NR2F1-AS1: variants seen among roughly 807,000 people sequenced by gnomAD.
NR2F1-AS1 encodes NR2F1 regulatory antisense RNA 1, also known as NR2F1 antisense RNA 1.
At chr5:93,543,508 A>G (rs968354906) in intron 4 of NR2F1-AS1, 2 of 152,170 alleles carry the variant, frequency 1.3e-5, no homozygotes, top group Non-Finnish European at 2.9e-5. Flanking sequence ...AGACCCAGAA[A>G]ATGACAGAAC....
intron 4 of NR2F1-AS1, among the ~76,000 whole-genome samples, chr5:93,505,436 T>C (rs953930312): frequency 2.0e-5 from 3 of 152,182 alleles, no homozygotes; most frequent in African/African-American, 7.2e-5. Context: ...CAGTAGGAAC[T>C]CTCTGTAGGG....
chr5:93,576,062 A>G (rs1242548444), intron 1 of NR2F1-AS1, among the ~76,000 whole-genome samples: 1 of 152,232 alleles, frequency 6.6e-6, no homozygotes, highest in Non-Finnish European at 1.5e-5. Flanking sequence ...GAGCGATTAG[A>G]TGATGTCTAT....
chr5:93,489,400 G>A (rs1750790924), intron 4 of NR2F1-AS1, among the ~76,000 whole-genome samples: 1 of 151,758 alleles, frequency 6.6e-6, no homozygotes, highest in East Asian at 1.9e-4. Flanking sequence ...TAGGAGGAAG[G>A]TATTTTTAAT....
chr5:93,466,550 C>T (rs768438411), intron 4 of NR2F1-AS1, among the ~76,000 whole-genome samples: 1 of 152,062 alleles, frequency 6.6e-6, no homozygotes, highest in East Asian at 1.9e-4. Context: ...GTTGGCCAGG[C>T]TAGTCCCAAA....
chr5:93,486,663 A>C (rs898888478), intron 4 of NR2F1-AS1, among the ~76,000 whole-genome samples: 7 of 152,198 alleles, frequency 4.6e-5, no homozygotes, highest in Admixed American at 3.9e-4. Flanking sequence ...ATTCTACCAG[A>C]GGTACAAAGA....
chr5:93,501,159 A>G (rs1162428913), intron 4 of NR2F1-AS1, among the ~76,000 whole-genome samples: 1 of 152,202 alleles, frequency 6.6e-6, no homozygotes, highest in Non-Finnish European at 1.5e-5. Context: ...TGGAAGAAAT[A>G]ACTGCATGTA....
intron 4 of NR2F1-AS1, among the ~76,000 whole-genome samples, chr5:93,518,953 C>T (rs956452670): frequency 3.3e-5 from 5 of 151,952 alleles, no homozygotes; most frequent in African/African-American, 9.7e-5. Flanking sequence ...ACACAGTCTA[C>T]CAGACTATTA....
At chr5:93,526,598 T>C (rs554772247) in intron 4 of NR2F1-AS1, among the ~76,000 whole-genome samples, 10 of 152,170 alleles carry the variant, frequency 6.6e-5, no homozygotes, top group African/African-American at 2.2e-4. Flanking sequence ...AAATCCTCAA[T>C]AAAATACCAG....
At position 93,572,611 on chromosome 5, in the gene NR2F1-AS1, C is replaced by T. The variant is rs1157891253; in HGVS notation, n.313+7856G>A. 2.0e-5 allele frequency among the ~76,000 whole-genome samples: 3 copies of T among 152,364 alleles called. No homozygotes were observed. The East Asian group carries it at 5.8e-4, about 29-fold the overall frequency. On this transcript the variant is annotated intron_variant and non_coding_transcript_variant, in intron 1 of 5. Coordinates refer to ENST00000660523, the Ensembl canonical transcript of NR2F1-AS1. ...CAGCCCTGCGAGCCAGGGCTCACCCCACACTGACGCTTCCAGGTACAAACA... is the reference window on the plus strand; with the variant it reads ...CAGCCCTGCGAGCCAGGGCTCACCCTACACTGACGCTTCCAGGTACAAACA...
At chr5:93,440,991 G>T (rs920767444) in intron 4 of NR2F1-AS1, among the ~76,000 whole-genome samples, 2 of 151,934 alleles carry the variant, frequency 1.3e-5, no homozygotes, top group African/African-American at 4.8e-5. Flanking sequence ...ACAAATACTA[G>T]ACCATTTATT....
In NR2F1-AS1 at chr5:93,537,508, A is replaced by T. The variant is rs553097535; in HGVS notation, n.638+16253T>A. On this transcript the variant is annotated intron_variant and non_coding_transcript_variant, in intron 4 of 5. Transcript: ENST00000660523. ...AAATGGGCAAAAGACCTTAATAGAC[A>T]TTTCTCAAAAGACAACATACAAATG... Among the ~76,000 whole-genome samples, 286 of 152,320 alleles carry T rather than the reference A, an allele frequency of 1.9e-3. 1 individual carries two copies. The highest frequency in any genetic ancestry group is 6.7e-3 in the African/African-American group (277 of 41,566).
intron 4 of NR2F1-AS1, among the ~76,000 whole-genome samples, chr5:93,440,394 T>C (rs899400966): frequency 1.3e-5 from 2 of 152,234 alleles, no homozygotes; most frequent in African/African-American, 4.8e-5. Context: ...CCAATGTGGA[T>C]GGGCGTTGAG....
intron 4 of NR2F1-AS1, among the ~76,000 whole-genome samples, chr5:93,485,737 A>G (rs1750699431): frequency 6.6e-6 from 1 of 152,034 alleles, no homozygotes; most frequent in Admixed American, 6.6e-5. Flanking sequence ...TAGAAATACC[A>G]TTTGACCCAG....
intron 2 of NR2F1-AS1, among the ~76,000 whole-genome samples, chr5:93,559,180 G>A (rs1364056560): frequency 2.0e-5 from 3 of 152,150 alleles, no homozygotes; most frequent in Non-Finnish European, 4.4e-5. Flanking sequence ...TAGATCTTCT[G>A]GATAACTTGC....
intron 1 of NR2F1-AS1, among the ~76,000 whole-genome samples, chr5:93,576,219 A>T (rs1176788558): frequency 6.6e-6 from 1 of 152,222 alleles, no homozygotes; most frequent in African/African-American, 2.4e-5. Flanking sequence ...TCAGCTTCAG[A>T]AGACTTTATG....
At chr5:93,464,343 G>T (rs1488155083) in intron 4 of NR2F1-AS1, among the ~76,000 whole-genome samples, 1 of 152,098 alleles carries the variant, frequency 6.6e-6, no homozygotes, top group Non-Finnish European at 1.5e-5. Flanking sequence ...TTTCTAAATT[G>T]CCCAGTCTTG....
At chr5:93,527,465 T>G (rs762710756) in intron 4 of NR2F1-AS1, among the ~76,000 whole-genome samples, 12 of 152,140 alleles carry the variant, frequency 7.9e-5, no homozygotes, top group Non-Finnish European at 1.8e-4. Flanking sequence ...AAGCTACCAT[T>G]GACTTTCCTC....
intron 4 of NR2F1-AS1, among the ~76,000 whole-genome samples, chr5:93,499,179 T>TG (rs1182322333): frequency 6.6e-6 from 1 of 152,190 alleles, no homozygotes; most frequent in African/African-American, 2.4e-5. Context: ...TCCTTTAAAA[T>TG]TGTTTCAAAT....
intron 4 of NR2F1-AS1, among the ~76,000 whole-genome samples, chr5:93,549,063 T>C (rs1031127437): frequency 4.6e-5 from 7 of 152,162 alleles, no homozygotes; most frequent in Admixed American, 1.3e-4. Context: ...TGAATAAGAC[T>C]TTAATCCCAT....
Sources: allele counts gnomAD v4.1 joint callset (sites outside exome capture counted in the v4.1 genomes callset), GRCh38; gene constraint gnomAD v4.1.1; transcripts MANE v1.5; gene names NCBI Gene and HGNC (gene_info 2026-07-23, HGNC 2026-07-21).